Variants in USP32 observed in about 807,000 individuals in gnomAD.
USP32 encodes ubiquitin specific peptidase 32.
In USP32, 59 loss-of-function variants were observed where a neutral mutation model predicts 204.8. The ratio of observed to expected loss-of-function variants is 0.29; its 90% CI spans 0.23 to 0.36. The LOEUF (loss-of-function observed/expected upper bound fraction) is 0.36, where lower values mean the gene tolerates loss of function less well. Among genes scored for constraint, USP32 ranks in the 10% least tolerant of loss-of-function variants. The pLI, the probability that USP32 is intolerant of heterozygous loss-of-function variation, is 1.00. For missense variants in USP32, 1,160 were observed against 1,946.4 expected (o/e 0.60, Z 7.60); for synonymous variants, 517 against 678.4 (o/e 0.76, Z 3.70).
intron 11 of USP32, among the ~76,000 whole-genome samples, chr17:60,247,151 G>C (rs972150227): frequency 6.6e-6 from 1 of 151,962 alleles, no homozygotes; most frequent in African/African-American, 2.4e-5. Flanking sequence ...TAGTAGTTTA[G>C]GTCTTAGATT....
At chr17:60,239,932 T>C (rs1450030942) in intron 11 of USP32, among the ~76,000 whole-genome samples, 1 of 152,174 alleles carries the variant, frequency 6.6e-6, no homozygotes, top group African/African-American at 2.4e-5. Flanking sequence ...AGACGGGGTT[T>C]TACCATGTTG....
intron 27 of USP32, among the ~76,000 whole-genome samples, chr17:60,197,600 G>T (rs2084555977): frequency 6.6e-6 from 1 of 151,968 alleles, no homozygotes; most frequent in African/African-American, 2.4e-5. Flanking sequence ...GCAAAACTCT[G>T]CTGTAAAGGG....
intron 11 of USP32, among the ~76,000 whole-genome samples, chr17:60,237,824 T>G (rs2085772555): frequency 6.6e-6 from 1 of 152,230 alleles, no homozygotes; most frequent in Non-Finnish European, 1.5e-5. Flanking sequence ...CGTTTAACCA[T>G]TCATCCACTG....
chr17:60,368,486 A>G (rs988747957), intron 1 of USP32, among the ~76,000 whole-genome samples: 3 of 152,092 alleles, frequency 2.0e-5, no homozygotes, highest in Admixed American at 2.0e-4. Flanking sequence ...CTCTGCTTCA[A>G]ACAAAACAAG....
intron 1 of USP32, among the ~76,000 whole-genome samples, chr17:60,359,780 C>T (rs535235800): frequency 1.6e-4 from 25 of 152,162 alleles, no homozygotes; most frequent in African/African-American, 5.8e-4. Flanking sequence ...CACTATACTC[C>T]AGCATTCCAT....
At position 60,288,113 on chromosome 17, in the gene USP32, C is replaced by CAA. The variant is rs1045323566; in HGVS notation, c.571+408_571+409dup. ...TGGGCAACAGAGGGAGACTTCGTCT[C>CAA]AAAAAAAAAAAAAAAAAAAAAAAAA... On this transcript the variant is annotated intron_variant, in intron 5 of 33. Transcript: ENST00000300896. Among the ~76,000 whole-genome samples, 197 of 29,426 alleles carry CAA rather than the reference C, an allele frequency of 6.7e-3. 21 individuals carry two copies. Among genetic ancestry groups the CAA allele is most frequent in the Non-Finnish European group, 9.2e-3 (95 of 10,380 alleles). 19.3% of individuals were successfully genotyped at this position (29,426 alleles called of 152,430 possible). A position where few individuals can be genotyped will look rare whatever the true frequency, so the allele number is the denominator to read the frequency against.
chr17:60,185,467 G>A lies in USP32; in HGVS notation c.3827C>T (p.Pro1276Leu). The change falls in exon 30 of 34, where the codon CCC (proline) becomes CTC (leucine). Residue 1276 changes from proline (P) to leucine (L), a missense_variant. Pro to Leu is a moderately conservative substitution (Grantham distance 98, BLOSUM62 -3). Transcript: ENST00000300896. ...TKKLDLWRLP[P>L]ILIIHLKRFQ... ...GGCAGGACTGTAACATACCAGGATG[G>A]GTGGAAGCCTCCAGAGATCCAGCTT... 6.2e-7 allele frequency: 1 copy of A among 1,604,996 alleles called. No homozygotes were observed. The highest frequency in any genetic ancestry group is 8.5e-7 in the Non-Finnish European group (1 of 1,174,244).
At chr17:60,275,049 T>C (rs2145801775) in intron 5 of USP32, among the ~76,000 whole-genome samples, 1 of 152,352 alleles carries the variant, frequency 6.6e-6, no homozygotes, top group South Asian at 2.1e-4. Flanking sequence ...CTCCCTTGAT[T>C]AGAACATAAG....
chr17:60,403,981 A>G (rs1273335981), intron 1 of USP32, among the ~76,000 whole-genome samples: 1 of 151,484 alleles, frequency 6.6e-6, no homozygotes, highest in East Asian at 1.9e-4. Context: ...TCAAGGCCGC[A>G]GTGAGCCGCG....
chr17:60,360,517 G>A (rs2089183699), intron 1 of USP32, among the ~76,000 whole-genome samples: 1 of 151,788 alleles, frequency 6.6e-6, no homozygotes, highest in Admixed American at 6.6e-5. Context: ...AAGTTAGCCA[G>A]GCGTGGTGGC....
At chr17:60,359,422 T>A (rs1437944315) in intron 1 of USP32, among the ~76,000 whole-genome samples, 1 of 152,200 alleles carries the variant, frequency 6.6e-6, no homozygotes, top group African/African-American at 2.4e-5. Context: ...AATGATCAAA[T>A]AAATGTGCTA....
chr17:60,332,276 A>C (rs2088407033), intron 2 of USP32, among the ~76,000 whole-genome samples: 1 of 151,846 alleles, frequency 6.6e-6, no homozygotes, highest in African/African-American at 2.4e-5. Flanking sequence ...GTGTACAGTC[A>C]ATCGGTTTTG....
intron 16 of USP32, among the ~76,000 whole-genome samples, chr17:60,217,743 T>A (rs867671486): frequency 6.6e-6 from 1 of 151,866 alleles, no homozygotes; most frequent in South Asian, 2.1e-4. Flanking sequence ...CTTCACTTTT[T>A]ATTTTTTTTT....
chr17:60,317,987 G>A (rs1353035457), intron 2 of USP32, among the ~76,000 whole-genome samples: 1 of 152,112 alleles, frequency 6.6e-6, no homozygotes, highest in Non-Finnish European at 1.5e-5. Context: ...TCCGTCTCAA[G>A]AAAACAGAAA....
intron 33 of USP32, 123 bp downstream of exon 33, chr17:60,180,422 T>C (rs565053290): frequency 9.6e-5 from 104 of 1,087,600 alleles, no homozygotes; most frequent in Admixed American, 2.2e-4. Context: ...ACAGCATCTA[T>C]ATATTGATTC....
Position 60,214,727 on chromosome 17 carries a change from T to C in USP32, c.1915A>G (p.Thr639Ala). 6.2e-7 allele frequency: 1 copy of C among 1,613,892 alleles called. No individual in the cohort carries two copies. The highest frequency in any genetic ancestry group is 8.5e-7 in the Non-Finnish European group (1 of 1,179,842). The change falls in exon 17 of 34, where the codon ACA becomes GCA. Residue 639 changes from threonine to alanine, a missense_variant. By Grantham distance (58) the Thr-to-Ala change is moderately conservative. Transcript: ENST00000300896. ...GTCTGCATTCGACTAAAACAGCCTG[T>C]ATAGGCTAATACCCGCTTTAAAGGT... Reference protein sequence around the residue: ...NAPLKRVLAYTGCFSRMQTIK... With the variant: ...NAPLKRVLAYAGCFSRMQTIK...
intron 30 of USP32, among the ~76,000 whole-genome samples, 185 bp downstream of exon 30, chr17:60,185,275 G>T (rs2084221855): frequency 6.6e-6 from 1 of 152,174 alleles, no homozygotes; most frequent in Non-Finnish European, 1.5e-5. Flanking sequence ...TTAGGAAAAA[G>T]AACTACAAAA....
intron 2 of USP32, among the ~76,000 whole-genome samples, chr17:60,314,720 C>T (rs1468748009): frequency 6.6e-6 from 1 of 152,012 alleles, no homozygotes; most frequent in Non-Finnish European, 1.5e-5. Context: ...GATGATAAAC[C>T]TACCAATCCA....
chr17:60,191,406 A>T (rs2084377890), intron 28 of USP32, among the ~76,000 whole-genome samples: 1 of 105,080 alleles, frequency 9.5e-6, no homozygotes, highest in Non-Finnish European at 1.6e-5. Flanking sequence ...TGTTTAAAAA[A>T]AAAAAAAAAA....
Sources: allele counts gnomAD v4.1 joint callset (sites outside exome capture counted in the v4.1 genomes callset), GRCh38; gene constraint gnomAD v4.1.1; transcripts MANE v1.5; gene names NCBI Gene and HGNC (gene_info 2026-07-23, HGNC 2026-07-21).